BCAS3: variants seen among roughly 807,000 people sequenced by gnomAD.
BCAS3 encodes the protein BCAS3 microtubule associated cell migration factor.
BCAS3 carries 53 observed loss-of-function variants against 116.1 expected under a neutral mutation model. The observed-to-expected ratio is 0.46, with a 90% CI of 0.37 to 0.57. The LOEUF is 0.57. Ranked by LOEUF, BCAS3 falls within the 20% of genes least tolerant of loss-of-function variation. The pLI is 0.00. For synonymous variants in BCAS3, 391 were observed against 408.2 expected (o/e 0.96, Z 0.51); for missense variants, 917 against 1,165.4 (o/e 0.79, Z 3.10).
At chr17:61,033,976 A>G (rs777861892) in intron 16 of BCAS3, among the ~76,000 whole-genome samples, 4 of 152,238 alleles carry the variant, frequency 2.6e-5, no homozygotes, top group African/African-American at 4.8e-5. Flanking sequence ...TTGAGAGGCT[A>G]TTGATATGTA....
At chr17:61,184,055 A>G (rs965708467) in intron 22 of BCAS3, among the ~76,000 whole-genome samples, 7 of 152,208 alleles carry the variant, frequency 4.6e-5, no homozygotes, top group South Asian at 4.1e-4. Context: ...CTTGTTTTCA[A>G]TTGAGGAGAC....
intron 22 of BCAS3, among the ~76,000 whole-genome samples, chr17:61,207,216 T>C (rs1006071474): frequency 6.6e-6 from 1 of 152,228 alleles, no homozygotes; most frequent in Non-Finnish European, 1.5e-5. Flanking sequence ...CTTATATTAC[T>C]ATATCACCTG....
At chr17:60,997,882 G>A (rs2063945529) in intron 15 of BCAS3, among the ~76,000 whole-genome samples, 1 of 152,124 alleles carries the variant, frequency 6.6e-6, no homozygotes, top group South Asian at 2.1e-4. Context: ...GAGTGTACAT[G>A]TGCAGATTCG....
intron 7 of BCAS3, among the ~76,000 whole-genome samples, chr17:60,859,398 A>G (rs2053966941): frequency 6.6e-6 from 1 of 151,852 alleles, no homozygotes; most frequent in Non-Finnish European, 1.5e-5. Context: ...CCTTGTGTCC[A>G]TGTGAATTCA....
At position 61,261,366 on chromosome 17, in the gene BCAS3, A is replaced by AC. The variant is rs1171793417; in HGVS notation, c.2426-106956dup. On this transcript the variant is annotated intron_variant, in intron 22 of 23. Transcript: ENST00000407086. The surrounding 1 kb of genome is among the most constrained non-coding windows in gnomAD (Gnocchi z 4.4). ...TGCTTATTCTCTGCTGCAGGATGCT[A>AC]CCCCCTGACCCTTTATAAGTCAGCC... Among the ~76,000 whole-genome samples the AC allele has an allele frequency of 3.9e-5, 6 of 152,034 alleles. No homozygotes were observed. Among genetic ancestry groups the AC allele is most frequent in the Non-Finnish European group, 7.4e-5 (5 of 68,002 alleles).
chr17:61,140,679 C>A lies in BCAS3; in HGVS notation c.2425+56115C>A, dbSNP rs1250772495. ...GGAATGCAAAAGAAAAGAGAAAACT[C>A]TCTTTGTAAAGTCAATTAAAAGCTA... On this transcript the variant is annotated intron_variant, in intron 22 of 23. Coordinates refer to ENST00000407086, the MANE Select transcript of BCAS3 (RefSeq NM_017679.5). The surrounding 1 kb of genome is among the most constrained non-coding windows in gnomAD (Gnocchi z 4.2). Among the ~76,000 whole-genome samples, 1 of 151,892 alleles carries A rather than the reference C, an allele frequency of 6.6e-6. No individual in the cohort carries two copies. Among genetic ancestry groups the A allele is most frequent in the Non-Finnish European group, 1.5e-5 (1 of 67,998 alleles).
intron 6 of BCAS3, among the ~76,000 whole-genome samples, chr17:60,767,887 AC>A (rs1342431063): frequency 6.6e-6 from 1 of 151,936 alleles, no homozygotes; most frequent in African/African-American, 2.4e-5. Flanking sequence ...TGCAGCTTTG[AC>A]CTTTTGGGCT....
At position 61,077,125 on chromosome 17, in the gene BCAS3, GTTGA is replaced by G. The variant is rs1462434252; in HGVS notation, c.2131-1205_2131-1202del. Among the ~76,000 whole-genome samples, 1 of 144,176 alleles carries G rather than the reference GTTGA, an allele frequency of 6.9e-6. No individual in the cohort carries two copies. The highest frequency in any genetic ancestry group is 2.8e-5 in the African/African-American group (1 of 35,664). 94.6% of individuals were successfully genotyped at this position (144,176 alleles called of 152,430 possible). On this transcript the variant is annotated intron_variant, in intron 20 of 23. Transcript: ENST00000407086. The surrounding 1 kb of genome is among the most constrained non-coding windows in gnomAD (Gnocchi z 4.3). ...TTTGTATATTTAGTCTCTCATTCGA[GTTGA>G]TTATTTGTAAAAAAAAAAAAAAATC...
At chr17:61,090,611 G>A (rs748651717) in intron 22 of BCAS3, among the ~76,000 whole-genome samples, 5 of 152,168 alleles carry the variant, frequency 3.3e-5, no homozygotes, top group Admixed American at 6.6e-5. Flanking sequence ...ATGCTCAGCT[G>A]TATCTCTCCT....
chr17:60,779,228 G>A (rs566912352), intron 6 of BCAS3, among the ~76,000 whole-genome samples: 1 of 151,786 alleles, frequency 6.6e-6, no homozygotes, highest in Non-Finnish European at 1.5e-5. Flanking sequence ...AACTTTTTGA[G>A]TGCTGACATG....
intron 23 of BCAS3, chr17:61,383,499 A>G (rs1022386820): frequency 3.9e-5 from 6 of 152,366 alleles, no homozygotes; most frequent in African/African-American, 1.4e-4. Flanking sequence ...CCCCCAGCAC[A>G]CTGTCTTGCT....
Position 61,013,426 on chromosome 17 carries a change from A to T in BCAS3, c.1487-2325A>T, listed in dbSNP as rs142607327. ...AGCATAGTTGTCTAATAGCGATTTT[A>T]TAATTATTTACATCTATATTGGCCT... On this transcript the variant is annotated intron_variant, in intron 15 of 23. Transcript: ENST00000407086. This position sits in a 1 kb window ranked among gnomAD's most constrained non-coding sequence, Gnocchi z 4.4. Among the ~76,000 whole-genome samples the T allele has an allele frequency of 1.1e-4, 16 of 152,252 alleles. No homozygotes were observed. The East Asian group carries it at 2.9e-3, about 27-fold the overall frequency.
At chr17:61,389,513 G>C (rs931215950) in intron 23 of BCAS3, 4 of 152,438 alleles carry the variant, frequency 2.6e-5, no homozygotes, top group African/African-American at 9.7e-5. Context: ...CTTTGGCACA[G>C]GGTGGGTGAC....
chr17:61,266,776 C>T (rs1004245752), intron 22 of BCAS3, among the ~76,000 whole-genome samples: 3 of 152,136 alleles, frequency 2.0e-5, no homozygotes, highest in Non-Finnish European at 2.9e-5. Flanking sequence ...TAATGTAAGC[C>T]TATTTAGTCT....
At chr17:60,814,589 G>A (rs1252754033) in intron 7 of BCAS3, among the ~76,000 whole-genome samples, 1 of 152,048 alleles carries the variant, frequency 6.6e-6, no homozygotes, top group Non-Finnish European at 1.5e-5. Context: ...GCAAACAGTA[G>A]CTTCTTAAGA....
intron 5 of BCAS3, 63 bp downstream of exon 5, chr17:60,709,388 C>T (rs918314683): frequency 4.8e-6 from 5 of 1,049,402 alleles, no homozygotes; most frequent in Non-Finnish European, 7.2e-6. Context: ...TATGTGAAAT[C>T]TGTAGATACT....
rs563668023 is a variant in BCAS3 at position 61,366,239 on chromosome 17, C to T, written c.2426-2088C>T. Among the ~76,000 whole-genome samples, 24 of 151,956 alleles carry T rather than the reference C, an allele frequency of 1.6e-4. No homozygotes were observed. Among genetic ancestry groups the T allele is most frequent in the South Asian group, 8.3e-4 (4 of 4,804 alleles). ...GTCGCATGCAGACCCTTCAGAGAAA[C>T]GATGATGCTTTAGCACTGTAGCACT... is the stretch of plus-strand genomic sequence containing the variant. On this transcript the variant is annotated intron_variant, in intron 22 of 23. Coordinates refer to ENST00000407086, the MANE Select transcript of BCAS3 (RefSeq NM_017679.5). The surrounding 1 kb of genome is among the most constrained non-coding windows in gnomAD (Gnocchi z 4.5).
At chr17:61,254,106 GA>G (rs1295711411) in intron 22 of BCAS3, among the ~76,000 whole-genome samples, 1 of 152,246 alleles carries the variant, frequency 6.6e-6, no homozygotes, top group Admixed American at 6.5e-5. Flanking sequence ...CAAGCCCGAG[GA>G]AAAAACTCAA....
intron 19 of BCAS3, among the ~76,000 whole-genome samples, chr17:61,044,446 CAAAA>C (rs1223902392): frequency 3.6e-5 from 3 of 82,820 alleles, no homozygotes; most frequent in African/African-American, 1.9e-4. Context: ...GACTCTGTCT[CAAAA>C]AAAAAAAAAA....
Sources: allele counts gnomAD v4.1 joint callset (sites outside exome capture counted in the v4.1 genomes callset), GRCh38; gene constraint gnomAD v4.1.1; non-coding constraint Gnocchi (gnomAD v3.1); transcripts MANE v1.5; gene names NCBI Gene and HGNC (gene_info 2026-07-23, HGNC 2026-07-21).